Variants in SMOC1 observed in about 807,000 individuals in gnomAD.
The protein encoded by SMOC1 is SPARC-related modular calcium-binding protein 1.
Under a neutral mutation model 56.3 loss-of-function variants are expected in SMOC1, and 22 were observed. The observed-to-expected ratio is 0.39, with a 90% CI of 0.28 to 0.56. The LOEUF is 0.56. Among genes scored for constraint, SMOC1 ranks in the 20% least tolerant of loss-of-function variants. The pLI, the probability that SMOC1 is intolerant of heterozygous loss-of-function variation, is 0.61. For synonymous variants in SMOC1, 193 were observed against 215.0 expected (o/e 0.90, Z 0.89); for missense variants, 509 against 565.4 (o/e 0.90, Z 1.01).
At chr14:69,905,192 G>A (rs1428785202) in intron 1 of SMOC1, among the ~76,000 whole-genome samples, 1 of 152,166 alleles carries the variant, frequency 6.6e-6, no homozygotes, top group Non-Finnish European at 1.5e-5. Flanking sequence ...TAGGGGCTGA[G>A]AGTCTTCTGA....
Position 69,979,964 on chromosome 14 carries a change from A to G in SMOC1, c.526+1999A>G, listed in dbSNP as rs147812148. Among the ~76,000 whole-genome samples the G allele has an allele frequency of 1.9e-3, 282 of 152,286 alleles. 1 individual carries two copies. Among genetic ancestry groups the G allele is most frequent in the African/African-American group, 6.6e-3 (274 of 41,560 alleles). On this transcript the variant is annotated intron_variant, in intron 5 of 11. Transcript: ENST00000361956. Reference sequence around the variant, plus strand: ...CATGGGATTCTGGTTCTTAAACTGGACAAGAAGTGCTTTCCAGGGGGATGT... The same window carrying G: ...CATGGGATTCTGGTTCTTAAACTGGGCAAGAAGTGCTTTCCAGGGGGATGT...
chr14:70,027,938 CA>C (rs1462596634), intron 11 of SMOC1, among the ~76,000 whole-genome samples: 3 of 152,292 alleles, frequency 2.0e-5, no homozygotes, highest in African/African-American at 7.2e-5. Context: ...CAATGGTGTG[CA>C]GGGGCTCCGG....
At position 69,927,758 on chromosome 14, in the gene SMOC1, A is replaced by G. The variant is rs183994551; in HGVS notation, c.100-24380A>G. 2.3e-3 allele frequency among the ~76,000 whole-genome samples: 349 copies of G among 152,278 alleles called. 2 individuals are homozygous for G. The highest frequency in any genetic ancestry group is 5.2e-3 in the South Asian group (25 of 4,826). Reference sequence around the variant, plus strand: ...TGGGGGTGGAGACACTTCTCCAGCCATTGCTCTGGTTTTCTGAAGGGAGGC... The same window carrying G: ...TGGGGGTGGAGACACTTCTCCAGCCGTTGCTCTGGTTTTCTGAAGGGAGGC... On this transcript the variant is annotated intron_variant, in intron 1 of 11. Coordinates refer to ENST00000361956, the MANE Select transcript of SMOC1 (RefSeq NM_001034852.3).
chr14:69,934,682 C>T (rs946627770), intron 1 of SMOC1, among the ~76,000 whole-genome samples: 4 of 152,154 alleles, frequency 2.6e-5, no homozygotes, highest in Admixed American at 2.6e-4. Context: ...TCTTAGAAAC[C>T]TACATCTTCT....
intron 1 of SMOC1, among the ~76,000 whole-genome samples, chr14:69,900,412 GA>G (rs1884212529): frequency 6.6e-6 from 1 of 152,212 alleles, no homozygotes; most frequent in Admixed American, 6.5e-5. Context: ...TAGGCACTGG[GA>G]AACAAAATAC....
In SMOC1 at chr14:70,019,281, T is replaced by G. The variant is rs370768935; in HGVS notation, c.1047-3922T>G. 1.1e-4 allele frequency among the ~76,000 whole-genome samples: 17 copies of G among 152,264 alleles called. 1 individual carries two copies. The East Asian group carries it at 2.5e-3, about 22-fold the overall frequency. On this transcript the variant is annotated intron_variant, in intron 10 of 11. Coordinates refer to ENST00000361956, the MANE Select transcript of SMOC1 (RefSeq NM_001034852.3). ...CCCAGAGGTAGGGCAGACACCAACG[T>G]TATTTGGCTTATGTTGTCTGAACCA... is the stretch of plus-strand genomic sequence containing the variant.
chr14:69,930,510 G>T (rs761101187), intron 1 of SMOC1, among the ~76,000 whole-genome samples: 1 of 152,196 alleles, frequency 6.6e-6, no homozygotes, highest in Admixed American at 6.5e-5. Flanking sequence ...AGCTGACTGG[G>T]TGCAGAGGAA....
intron 7 of SMOC1, among the ~76,000 whole-genome samples, chr14:69,995,147 A>C (rs1321970501): frequency 6.6e-6 from 1 of 152,050 alleles, no homozygotes. Flanking sequence ...GCGAAATACC[A>C]CTCTGCATAA....
intron 5 of SMOC1, among the ~76,000 whole-genome samples, chr14:69,984,102 G>A (rs571798192): frequency 6.6e-6 from 1 of 152,366 alleles, no homozygotes; most frequent in South Asian, 2.1e-4. Context: ...TCTAGAGATA[G>A]TGTGGTATTT....
intron 1 of SMOC1, among the ~76,000 whole-genome samples, chr14:69,898,666 A>T (rs1405953063): frequency 6.6e-6 from 1 of 151,972 alleles, no homozygotes; most frequent in Non-Finnish European, 1.5e-5. Flanking sequence ...TTCTCTGTTT[A>T]TATTACCTAT....
chr14:69,992,315 G>A (rs1594843178), intron 5 of SMOC1, 102 bp from the exon 6 acceptor site: 12 of 1,090,390 alleles, frequency 1.1e-5, no homozygotes, highest in East Asian at 7.3e-5. Context: ...GGACTTGGCC[G>A]GGCCTTGTAC....
At position 69,969,259 on chromosome 14, in the gene SMOC1, C is replaced by T. The variant is rs1343554183; in HGVS notation, c.379-6456C>T. Reference sequence around the variant, plus strand: ...GGGTCCCTGCATTTGTCCATTCTTGCGTTGCTATAAAGAAATACTGGAGAC... The same window carrying T: ...GGGTCCCTGCATTTGTCCATTCTTGTGTTGCTATAAAGAAATACTGGAGAC... On this transcript the variant is annotated intron_variant, in intron 3 of 11. Coordinates refer to ENST00000361956, the MANE Select transcript of SMOC1 (RefSeq NM_001034852.3). 2.0e-5 allele frequency among the ~76,000 whole-genome samples: 3 copies of T among 152,108 alleles called. 1 individual carries two copies. Among genetic ancestry groups the T allele is most frequent in the South Asian group, 4.1e-4 (2 of 4,826 alleles).
At chr14:70,025,328 A>C (rs1371896026) in intron 11 of SMOC1, among the ~76,000 whole-genome samples, 1 of 152,224 alleles carries the variant, frequency 6.6e-6, no homozygotes, top group Non-Finnish European at 1.5e-5. Context: ...GTAAACCCAA[A>C]GAATAGCATG....
intron 1 of SMOC1, among the ~76,000 whole-genome samples, chr14:69,939,860 G>A (rs1034630138): frequency 6.6e-6 from 1 of 152,158 alleles, no homozygotes. Flanking sequence ...CTTAGTGCTG[G>A]CTGTGCCCAT....
At chr14:70,009,020 G>A (rs1161025416) in intron 7 of SMOC1, among the ~76,000 whole-genome samples, 1 of 151,986 alleles carries the variant, frequency 6.6e-6, no homozygotes, top group Non-Finnish European at 1.5e-5. Context: ...TGTTCTGGTG[G>A]TAGTCACAGT....
At chr14:69,895,751 T>C (rs928938527) in intron 1 of SMOC1, among the ~76,000 whole-genome samples, 2 of 152,178 alleles carry the variant, frequency 1.3e-5, no homozygotes, top group African/African-American at 2.4e-5. Flanking sequence ...TATGGCATTG[T>C]ACTTTCTTTC....
At chr14:69,952,585 G>A (rs967393341) in intron 2 of SMOC1, among the ~76,000 whole-genome samples, 2 of 152,182 alleles carry the variant, frequency 1.3e-5, no homozygotes, top group Admixed American at 6.5e-5. Context: ...GCTTAAAACC[G>A]CAAGACATTA....
At position 69,915,113 on chromosome 14, in the gene SMOC1, C is replaced by T. The variant is rs552913123; in HGVS notation, c.99+35336C>T. Among the ~76,000 whole-genome samples, 7 of 152,306 alleles carry T rather than the reference C, an allele frequency of 4.6e-5. No individual in the cohort carries two copies. The South Asian group carries it at 1.5e-3, about 32-fold the overall frequency. On this transcript the variant is annotated intron_variant, in intron 1 of 11. Coordinates refer to ENST00000361956, the MANE Select transcript of SMOC1 (RefSeq NM_001034852.3). The stretch of plus-strand genomic sequence containing the variant: ...CAACTCCTGACCTCAGGTGATCCAC[C>T]CGCTTCAGCCTCCCAAAGTGCTGGG...
chr14:69,919,900 G>C (rs557848193), intron 1 of SMOC1, among the ~76,000 whole-genome samples: 9 of 145,194 alleles, frequency 6.2e-5, no homozygotes, highest in African/African-American at 2.1e-4. Flanking sequence ...ATCATCCTAT[G>C]AACACAAATA....
Sources: gnomAD v4.1 joint callset for allele counts (sites outside exome capture counted in the v4.1 genomes callset) on GRCh38, gnomAD v4.1.1 for gene constraint, MANE v1.5 for transcripts, NCBI Gene and HGNC (gene_info 2026-07-23, HGNC 2026-07-21) for gene names.